Variants in RPRD1B observed in about 807,000 individuals in gnomAD.
The protein encoded by RPRD1B is regulation of nuclear pre-mRNA domain containing 1B.
A neutral mutation model predicts 41.5 loss-of-function variants in RPRD1B; 11 were observed. The ratio of observed to expected loss-of-function variants is 0.27; its 90% CI spans 0.17 to 0.44. RPRD1B has a LOEUF of 0.44. Among genes scored for constraint, RPRD1B ranks in the 20% least tolerant of loss-of-function variants. The pLI is 1.00. For missense variants in RPRD1B, 248 were observed against 389.9 expected (o/e 0.64, Z 3.06); for synonymous variants, 158 against 155.6 (o/e 1.02, Z -0.12).
chr20:38,035,010 A>G (rs113474043), intron 1 of RPRD1B, among the ~76,000 whole-genome samples: 1 of 152,192 alleles, frequency 6.6e-6, no homozygotes, highest in African/African-American at 2.4e-5. Context: ...CTTTACATAC[A>G]TTGCCATTAA....
chr20:38,051,250 T>C (rs938377624), intron 3 of RPRD1B, among the ~76,000 whole-genome samples: 3 of 152,186 alleles, frequency 2.0e-5, no homozygotes, highest in African/African-American at 7.2e-5. Flanking sequence ...AAAAACAAAA[T>C]TTAAAAAGTA....
rs528611927 is a variant in RPRD1B at position 38,089,162 on chromosome 20, G to A, written c.832-564G>A. Reference sequence around the variant, plus strand: ...TGGTGGCATTTTAGGAGCCCTAGGGGTCAGGAGGCCTAACCAGGGACTTAC... The same window carrying A: ...TGGTGGCATTTTAGGAGCCCTAGGGATCAGGAGGCCTAACCAGGGACTTAC... On this transcript the variant is annotated intron_variant, in intron 6 of 6. Transcript: ENST00000373433. Among the ~76,000 whole-genome samples, 24 of 152,258 alleles carry A rather than the reference G, an allele frequency of 1.6e-4. No individual in the cohort carries two copies. The South Asian group carries it at 5.0e-3, about 32-fold the overall frequency.
chr20:38,067,310 T>G (rs752615116), intron 6 of RPRD1B, among the ~76,000 whole-genome samples: 6 of 152,184 alleles, frequency 3.9e-5, no homozygotes, highest in Non-Finnish European at 8.8e-5. Context: ...CTTCTTTTTT[T>G]AAGAGATATG....
chr20:38,080,823 C>T (rs2074505746), intron 6 of RPRD1B, among the ~76,000 whole-genome samples: 1 of 152,194 alleles, frequency 6.6e-6, no homozygotes, highest in Admixed American at 6.5e-5. Flanking sequence ...CCGTGCCCAG[C>T]CAGTGTACAG....
intron 6 of RPRD1B, among the ~76,000 whole-genome samples, chr20:38,088,942 C>T (rs2074587773): frequency 6.6e-6 from 1 of 152,118 alleles, no homozygotes; most frequent in Admixed American, 6.5e-5. Flanking sequence ...GAGAGAGACC[C>T]CCTCCAGGCT....
chr20:38,041,223 G>T (rs978587116), intron 2 of RPRD1B, among the ~76,000 whole-genome samples: 2 of 152,020 alleles, frequency 1.3e-5, no homozygotes, highest in African/African-American at 4.8e-5. Context: ...TAGGTGCCCA[G>T]GAAAAGCAAA....
intron 5 of RPRD1B, among the ~76,000 whole-genome samples, chr20:38,062,830 C>G (rs921963657): frequency 1.1e-4 from 9 of 84,548 alleles, no homozygotes; most frequent in Non-Finnish European, 2.0e-4. Flanking sequence ...AAGCCAGAGC[C>G]CCCCCCCCTT....
Position 38,052,738 on chromosome 20 carries a change from G to A in RPRD1B, c.415+4257G>A, listed in dbSNP as rs544639156. On this transcript the variant is annotated intron_variant, in intron 3 of 6. Transcript: ENST00000373433. ...ATTAGTTGTAAACACTGCTGCACTC[G>A]GACCAAACGCGGTGTTTTTTTTTTT... Among the ~76,000 whole-genome samples, 283 of 146,494 alleles carry A rather than the reference G, an allele frequency of 1.9e-3. 1 individual carries two copies. The highest frequency in any genetic ancestry group is 2.4e-3 in the Non-Finnish European group (160 of 67,536).
chr20:38,055,173 G>C (rs1438329977), intron 3 of RPRD1B, among the ~76,000 whole-genome samples: 1 of 152,116 alleles, frequency 6.6e-6, no homozygotes, highest in African/African-American at 2.4e-5. Flanking sequence ...AATGTGTACG[G>C]AAACAAAAGA....
At chr20:38,067,513 G>A (rs1403780973) in intron 6 of RPRD1B, among the ~76,000 whole-genome samples, 1 of 152,232 alleles carries the variant, frequency 6.6e-6, no homozygotes, top group Admixed American at 6.5e-5. Context: ...CTCTGAGGCT[G>A]AGATCATTGT....
At position 38,070,512 on chromosome 20, in the gene RPRD1B, G is replaced by T. The variant is rs979915833; in HGVS notation, c.831+4256G>T. ...GAAGCTTTGTTTGTGGTTGACAGAGGTGACTACATTACTCCCAGATGTCTG... is the reference window on the plus strand; with the variant it reads ...GAAGCTTTGTTTGTGGTTGACAGAGTTGACTACATTACTCCCAGATGTCTG... On this transcript the variant is annotated intron_variant, in intron 6 of 6. Coordinates refer to ENST00000373433, the MANE Select transcript of RPRD1B (RefSeq NM_021215.4). 4.1e-6 allele frequency: 4 copies of T among 985,340 alleles called. No individual in the cohort carries two copies. The African/African-American group carries it at 5.2e-5, about 13-fold the overall frequency. 61.0% of individuals were successfully genotyped at this position (985,340 alleles called of 1,614,324 possible).
Position 38,059,427 on chromosome 20 carries a change from G to C in RPRD1B, c.562G>C (p.Glu188Gln). ...EELIKALQDL[E>Q]NAASGDATVR... ...ACTAATCAAAGCTTTGCAGGATCTGGAAAATGCCGCATCAGGGGATGCTAC... is the reference window on the plus strand; with the variant it reads ...ACTAATCAAAGCTTTGCAGGATCTGCAAAATGCCGCATCAGGGGATGCTAC... Residue 188 changes from glutamate to glutamine, a missense_variant, in exon 5 of 7, where the codon GAA becomes CAA. By Grantham distance (29) the Glu-to-Gln change is conservative. This residue lies in a region of RPRD1B where 94 missense variants were observed against 82.3 expected (regional missense o/e 1.14). Coordinates refer to ENST00000373433, the MANE Select transcript of RPRD1B (RefSeq NM_021215.4). 6.2e-7 allele frequency: 1 copy of C among 1,613,894 alleles called. No individual in the cohort carries two copies. The highest frequency in any genetic ancestry group is 1.1e-5 in the South Asian group (1 of 91,050).
Position 38,091,088 on chromosome 20 carries a change from G to A in RPRD1B, c.*1213G>A. The A allele has an allele frequency of 1.0e-6, 1 of 985,828 alleles. No individual in the cohort carries two copies. Among genetic ancestry groups the A allele is most frequent in the South Asian group, 4.7e-5 (1 of 21,290 alleles). 61.1% of individuals were successfully genotyped at this position (985,828 alleles called of 1,614,324 possible). A position where few individuals can be genotyped will look rare whatever the true frequency, so the allele number is the denominator to read the frequency against. On this transcript the variant is annotated 3_prime_UTR_variant, in exon 7 of 7. Transcript: ENST00000373433. ...AGAGACAATTTTTATCTTGCTTATA[G>A]TAAAGGTTCAGCCTGCCAATTGTAA... is the stretch of plus-strand genomic sequence containing the variant.
intron 1 of RPRD1B, 51 bp downstream of exon 1, chr20:38,034,149 C>G: frequency 6.3e-7 from 1 of 1,577,458 alleles, no homozygotes; most frequent in Non-Finnish European, 8.6e-7. Flanking sequence ...GTCCTCTCGC[C>G]CACATACAAC....
chr20:38,080,519 C>CTTTA (rs370338403), intron 6 of RPRD1B, among the ~76,000 whole-genome samples: 23 of 152,210 alleles, frequency 1.5e-4, no homozygotes, highest in African/African-American at 5.3e-4. Flanking sequence ...AGGTGTACAG[C>CTTTA]TTTATTTATT....
intron 2 of RPRD1B, among the ~76,000 whole-genome samples, chr20:38,044,372 A>ATTTTTTTTTTTTTTTTTTTTT: frequency 8.0e-6 from 1 of 124,544 alleles, no homozygotes; most frequent in Non-Finnish European, 1.6e-5. Flanking sequence ...TCAGGTGTTC[A>ATTTTTTTTTTTTTTTTTTTTT]TTTTTTTTTT....
chr20:38,068,841 C>T (rs151052715), intron 6 of RPRD1B, among the ~76,000 whole-genome samples: 45 of 152,326 alleles, frequency 3.0e-4, no homozygotes, highest in African/African-American at 9.6e-4. Flanking sequence ...TGCGTGAATA[C>T]TGTGAATTCC....
rs747926524 is a variant in RPRD1B, at chr20:38,048,331, TC to T, written c.282-16del. On this transcript the variant is annotated splice_polypyrimidine_tract_variant and intron_variant, in intron 2 of 6. Transcript: ENST00000373433. ...AAATCTTAAGCTTATATATATCTTT[TC>T]ATCTTTTCTGGGCAGAGAGGCAGAT... 1 of 1,607,326 alleles carries T rather than the reference TC, an allele frequency of 6.2e-7. No individual in the cohort carries two copies. Among genetic ancestry groups the T allele is most frequent in the Non-Finnish European group, 8.5e-7 (1 of 1,175,180 alleles).
chr20:38,086,615 G>A (rs1029993532), intron 6 of RPRD1B, among the ~76,000 whole-genome samples: 2 of 152,114 alleles, frequency 1.3e-5, no homozygotes, highest in East Asian at 1.9e-4. Flanking sequence ...GATTAAAGGC[G>A]TGAGCCACCA....
Sources: gnomAD v4.1 joint callset for allele counts (sites outside exome capture counted in the v4.1 genomes callset) on GRCh38, gnomAD v4.1.1 for gene constraint, gnomAD v4.1.1 regional missense constraint, MANE v1.5 for transcripts, NCBI Gene and HGNC (gene_info 2026-07-23, HGNC 2026-07-21) for gene names.